IL19: variants seen among roughly 807,000 people sequenced by gnomAD.
The protein encoded by IL19 is interleukin-19.
In IL19, 15 loss-of-function variants were observed where a neutral mutation model predicts 19.5. The ratio of observed to expected loss-of-function variants is 0.77; its 90% CI spans 0.52 to 1.19. IL19 has a LOEUF of 1.19. IL19 is among the 50% of genes most tolerant of loss of function. The pLI, the probability that IL19 is intolerant of heterozygous loss-of-function variation, is 0.00. For synonymous variants in IL19, 78 were observed against 78.3 expected (o/e 1.00, Z 0.02); for missense variants, 199 against 213.1 (o/e 0.93, Z 0.41).
Position 206,836,615 on chromosome 1 carries a change from G to A in IL19, c.-2-46G>A, listed in dbSNP as rs747496111. The A allele has an allele frequency of 7.1e-6, 11 of 1,546,200 alleles. No individual in the cohort carries two copies. The East Asian group carries it at 2.0e-4, about 29-fold the overall frequency. On this transcript the variant is annotated intron_variant, in intron 2 of 6. Transcript: ENST00000659997. ...TCAATCAGGGGTCTTCTTTTTCATT[G>A]CCCTCCACTCTTGGCTGGACAGCTG...
chr1:206,782,317 C>T (rs1675166753), intron 1 of IL19, among the ~76,000 whole-genome samples: 1 of 152,030 alleles, frequency 6.6e-6, no homozygotes. Context: ...TACATGCGGT[C>T]TGTTGTAATA....
At chr1:206,771,186 G>C in intron 1 of IL19, 108 bp downstream of exon 1, 3 of 1,221,944 alleles carry the variant, frequency 2.5e-6, no homozygotes, top group East Asian at 4.6e-5. Flanking sequence ...TCCCCGAAGG[G>C]ACTGAGCCCT....
intron 2 of IL19, among the ~76,000 whole-genome samples, chr1:206,806,779 G>A (rs1037346939): frequency 3.3e-5 from 5 of 152,064 alleles, no homozygotes; most frequent in African/African-American, 7.2e-5. Context: ...TATTTTATCC[G>A]GACCACTGTC....
At chr1:206,829,357 G>T (rs1291145891) in intron 2 of IL19, among the ~76,000 whole-genome samples, 1 of 152,190 alleles carries the variant, frequency 6.6e-6, no homozygotes, top group East Asian at 1.9e-4. Flanking sequence ...CTCAACCAGG[G>T]TTGAAGTGGG....
At chr1:206,787,508 A>G (rs910013771) in intron 1 of IL19, among the ~76,000 whole-genome samples, 6 of 152,220 alleles carry the variant, frequency 3.9e-5, no homozygotes, top group African/African-American at 1.2e-4. Context: ...CATTTTGACT[A>G]AGGCACAGGT....
At chr1:206,777,924 C>T (rs1262597370) in intron 1 of IL19, among the ~76,000 whole-genome samples, 1 of 152,230 alleles carries the variant, frequency 6.6e-6, no homozygotes, top group East Asian at 1.9e-4. Context: ...GCAACAGACC[C>T]CAATGCCTAT....
At position 206,793,853 on chromosome 1, in the gene IL19, C is replaced by T. The variant is rs191127817; in HGVS notation, c.-148-5008C>T. Among the ~76,000 whole-genome samples the T allele has an allele frequency of 2.4e-3, 360 of 152,272 alleles. 1 individual carries two copies. The highest frequency in any genetic ancestry group is 8.2e-3 in the African/African-American group (340 of 41,552). On this transcript the variant is annotated intron_variant, in intron 1 of 6. Transcript: ENST00000659997. ...GTAGTGATTAATGGCATCATCTGGTCGAAGGGCTAGGGAGGAGTGTGCCTG... is the reference window on the plus strand; with the variant it reads ...GTAGTGATTAATGGCATCATCTGGTTGAAGGGCTAGGGAGGAGTGTGCCTG...
chr1:206,779,856 C>CT (rs386369445), intron 1 of IL19, among the ~76,000 whole-genome samples: 10,486 of 145,476 alleles, frequency 0.072, 432 homozygotes, highest in Middle Eastern at 0.11. Flanking sequence ...CTCTCTCTCT[C>CT]TTTTTTTTTT....
chr1:206,842,587 A>G lies in IL19; in HGVS notation c.499A>G (p.Ile167Val), dbSNP rs768672561. Residue 167 changes from isoleucine to valine, a missense_variant, in exon 7 of 7, where the codon ATT (isoleucine) becomes GTT (valine). Ile to Val is a conservative substitution (Grantham distance 29). Coordinates refer to ENST00000659997, the MANE Select transcript of IL19 (RefSeq NM_153758.5). Reference protein sequence around the residue: ...LGELDVFLAWINKNHEVMFSA With the variant: ...LGELDVFLAWVNKNHEVMFSA ...AGAGCTCGACGTCTTTCTAGCCTGGATTAATAAGAATCATGAAGTAATGTT... is the reference window on the plus strand; with the variant it reads ...AGAGCTCGACGTCTTTCTAGCCTGGGTTAATAAGAATCATGAAGTAATGTT... The G allele has an allele frequency of 1.0e-5, 16 of 1,574,576 alleles. No homozygotes were observed. The African/African-American group carries it at 2.2e-4, about 21-fold the overall frequency.
At chr1:206,825,061 A>G (rs772628919) in intron 2 of IL19, among the ~76,000 whole-genome samples, 46 of 152,120 alleles carry the variant, frequency 3.0e-4, no homozygotes, top group Non-Finnish European at 5.3e-4. Context: ...AGGCCCCCTG[A>G]ATCCAAATCT....
intron 1 of IL19, among the ~76,000 whole-genome samples, chr1:206,783,608 C>T (rs1675197095): frequency 6.6e-6 from 1 of 152,190 alleles, no homozygotes. Flanking sequence ...ATACCTCTGA[C>T]AGCAAAGGCT....
At chr1:206,795,689 T>C (rs1675505000) in intron 1 of IL19, among the ~76,000 whole-genome samples, 1 of 152,178 alleles carries the variant, frequency 6.6e-6, no homozygotes, top group Admixed American at 6.5e-5. Context: ...AGCCTCTGCA[T>C]ACTACACATG....
intron 2 of IL19, among the ~76,000 whole-genome samples, chr1:206,826,258 G>A (rs906262110): frequency 2.0e-5 from 3 of 152,202 alleles, no homozygotes; most frequent in Admixed American, 2.0e-4. Flanking sequence ...CTAAGTAGAT[G>A]CTGACAGCTG....
At chr1:206,837,096 C>A in intron 4 of IL19, 73 bp downstream of exon 4, 1 of 1,189,192 alleles carries the variant, frequency 8.4e-7, no homozygotes, top group Non-Finnish European at 1.2e-6. Flanking sequence ...AGAAAGAAAT[C>A]CCTACCTTGT....
intron 2 of IL19, among the ~76,000 whole-genome samples, chr1:206,828,044 A>G (rs562098556): frequency 6.6e-6 from 1 of 152,404 alleles, no homozygotes; most frequent in African/African-American, 2.4e-5. Context: ...GTTAGTTATT[A>G]GTGTGAGTCT....
chr1:206,831,509 A>G (rs1382220900), intron 2 of IL19, among the ~76,000 whole-genome samples: 1 of 152,204 alleles, frequency 6.6e-6, no homozygotes, highest in Non-Finnish European at 1.5e-5. Context: ...AGCAAGGCTT[A>G]AGATGAAGAG....
intron 1 of IL19, 84 bp from the exon 2 acceptor site, chr1:206,798,777 A>T: frequency 1.5e-6 from 1 of 675,638 alleles, no homozygotes; most frequent in Non-Finnish European, 2.5e-6. Flanking sequence ...CCGTGTGTGC[A>T]CTTTTGCCGA....
chr1:206,790,196 T>C (rs1675363178), intron 1 of IL19, among the ~76,000 whole-genome samples: 1 of 152,186 alleles, frequency 6.6e-6, no homozygotes, highest in African/African-American at 2.4e-5. Context: ...CACACCGGCA[T>C]CTATTGTTTC....
chr1:206,772,456 C>T (rs752548814), intron 1 of IL19: 1 of 1,613,454 alleles, frequency 6.2e-7, no homozygotes, highest in South Asian at 1.1e-5. Context: ...GCAAGTCTGT[C>T]TTGTGGTTTG....
Sources: allele counts gnomAD v4.1 joint callset (sites outside exome capture counted in the v4.1 genomes callset), GRCh38; gene constraint gnomAD v4.1.1; transcripts MANE v1.5; gene names NCBI Gene and HGNC (gene_info 2026-07-23, HGNC 2026-07-21).